PCGF5: variants seen among roughly 807,000 people sequenced by gnomAD.
PCGF5 encodes polycomb group ring finger 5, also known as polycomb group RING finger protein 5.
PCGF5 carries 9 observed loss-of-function variants against 44.3 expected under a neutral mutation model. That is an observed-to-expected ratio of 0.20 (90% confidence interval 0.12 to 0.35). The LOEUF (loss-of-function observed/expected upper bound fraction) is 0.35. Among genes scored for constraint, PCGF5 ranks in the 10% least tolerant of loss-of-function variants. The pLI is 1.00. For missense variants in PCGF5, 146 were observed against 305.3 expected, an observed-to-expected ratio of 0.48 and a Z score of 3.89; for synonymous variants, 95 against 102.5, an observed-to-expected ratio of 0.93 and a Z score of 0.44.
At chr10:91,244,343 C>A (rs550459077) in intron 3 of PCGF5, among the ~76,000 whole-genome samples, 1 of 152,184 alleles carries the variant, frequency 6.6e-6, no homozygotes, top group Admixed American at 6.5e-5. Context: ...GTGCAGAGTG[C>A]CTAAGTCAGG....
chr10:91,273,822 T>C (rs545808538), intron 9 of PCGF5, among the ~76,000 whole-genome samples: 1 of 150,260 alleles, frequency 6.7e-6, no homozygotes, highest in Admixed American at 6.7e-5. Flanking sequence ...TATAATATAG[T>C]GTATATTATA....
chr10:91,222,649 G>T, intron 1 of PCGF5, 40 bp from the exon 2 acceptor site: 1 of 514,728 alleles, frequency 1.9e-6, no homozygotes, highest in Non-Finnish European at 3.4e-6. Context: ...GGAATTTGAC[G>T]CTTTTTTCTC....
intron 9 of PCGF5, among the ~76,000 whole-genome samples, chr10:91,275,643 C>T (rs1259164212): frequency 1.5e-5 from 2 of 131,432 alleles, no homozygotes; most frequent in South Asian, 2.3e-4. Context: ...TTAGTAGAGG[C>T]GGGGTTTCAC....
At chr10:91,166,834 A>G (rs1843509542) in intron 1 of PCGF5, among the ~76,000 whole-genome samples, 1 of 152,226 alleles carries the variant, frequency 6.6e-6, no homozygotes, top group South Asian at 2.1e-4. Context: ...TGAGACTGAG[A>G]TAATGTATAT....
At chr10:91,194,058 G>A (rs1844083023) in intron 1 of PCGF5, among the ~76,000 whole-genome samples, 4 of 152,216 alleles carry the variant, frequency 2.6e-5, no homozygotes, top group Admixed American at 2.6e-4. Flanking sequence ...GAGATCTGTG[G>A]TGGAGGGAGA....
At chr10:91,202,641 G>C (rs184092441) in intron 1 of PCGF5, among the ~76,000 whole-genome samples, 129 of 152,258 alleles carry the variant, frequency 8.5e-4, no homozygotes, top group African/African-American at 3.0e-3. Context: ...TGACTCCTTA[G>C]AAGCCTTGAA....
intron 1 of PCGF5, among the ~76,000 whole-genome samples, chr10:91,190,314 A>G (rs776084889): frequency 2.0e-5 from 3 of 152,212 alleles, no homozygotes; most frequent in Non-Finnish European, 4.4e-5. Context: ...ATTTCAACAT[A>G]TGAATTTTGG....
At chr10:91,166,904 T>C (rs748316843) in intron 1 of PCGF5, among the ~76,000 whole-genome samples, 17 of 152,238 alleles carry the variant, frequency 1.1e-4, no homozygotes, top group Non-Finnish European at 2.4e-4. Flanking sequence ...TAGTTATGAC[T>C]ACAGATTTGT....
intron 9 of PCGF5, among the ~76,000 whole-genome samples, chr10:91,275,401 A>C (rs1040674930): frequency 2.0e-5 from 3 of 151,990 alleles, no homozygotes; most frequent in East Asian, 3.9e-4. Context: ...AGGAATGGGC[A>C]TTCAAATTTC....
intron 9 of PCGF5, 47 bp downstream of exon 9, chr10:91,271,744 C>T (rs761237358): frequency 1.6e-5 from 23 of 1,470,110 alleles, no homozygotes; most frequent in Middle Eastern, 1.7e-4. Flanking sequence ...GACACCATGG[C>T]GGTGAGCACA....
intron 3 of PCGF5, 94 bp downstream of exon 3, chr10:91,240,674 ACT>A (rs1845299343): frequency 1.3e-6 from 1 of 748,830 alleles, no homozygotes; most frequent in African/African-American, 1.8e-5. Flanking sequence ...TGTTGTCTTG[ACT>A]CAGTTAATAT....
chr10:91,252,634 C>T (rs989543995), intron 6 of PCGF5, among the ~76,000 whole-genome samples: 2 of 151,976 alleles, frequency 1.3e-5, no homozygotes, highest in Admixed American at 6.6e-5. Context: ...TTTATCCTTA[C>T]AGTATTTTCA....
At chr10:91,182,213 G>C (rs1182186312) in intron 1 of PCGF5, among the ~76,000 whole-genome samples, 2 of 151,106 alleles carry the variant, frequency 1.3e-5, no homozygotes, top group Non-Finnish European at 2.9e-5. Flanking sequence ...AATGGTCGCA[G>C]CTCTTCTTTG....
chr10:91,198,503 A>G (rs1016529531), intron 1 of PCGF5, among the ~76,000 whole-genome samples: 1 of 151,526 alleles, frequency 6.6e-6, no homozygotes, highest in Non-Finnish European at 1.5e-5. Context: ...TAGTACCCCT[A>G]CTCTCCTGGA....
At chr10:91,212,326 T>C (rs532411674) in intron 1 of PCGF5, among the ~76,000 whole-genome samples, 10 of 152,310 alleles carry the variant, frequency 6.6e-5, no homozygotes, top group Admixed American at 5.9e-4. Context: ...ACATGAAATA[T>C]TGTGTTGCAT....
chr10:91,250,432 G>T (rs1161466425), intron 5 of PCGF5, among the ~76,000 whole-genome samples: 1 of 149,960 alleles, frequency 6.7e-6, no homozygotes, highest in Non-Finnish European at 1.5e-5. Flanking sequence ...TGGGTTTATT[G>T]TCTCTTTTAT....
chr10:91,240,709 A>C (rs894588036), intron 3 of PCGF5, 129 bp downstream of exon 3: 1 of 467,052 alleles, frequency 2.1e-6, no homozygotes, highest in African/African-American at 2.0e-5. Flanking sequence ...TTTCATTTTA[A>C]AGCATTTTAT....
intron 1 of PCGF5, among the ~76,000 whole-genome samples, chr10:91,175,657 A>T (rs1227674930): frequency 6.6e-6 from 1 of 152,258 alleles, no homozygotes; most frequent in Non-Finnish European, 1.5e-5. Flanking sequence ...AAAACAAATG[A>T]ACAACAATAA....
chr10:91,240,642 T>C, intron 3 of PCGF5, 62 bp downstream of exon 3: 1 of 1,027,728 alleles, frequency 9.7e-7, no homozygotes. Flanking sequence ...TCTTAATTTT[T>C]ATTGTATGTC....
Sources: gnomAD v4.1 joint callset for allele counts (sites outside exome capture counted in the v4.1 genomes callset) on GRCh38, gnomAD v4.1.1 for gene constraint, MANE v1.5 for transcripts, NCBI Gene and HGNC (gene_info 2026-07-23, HGNC 2026-07-21) for gene names.